Variants in KCNJ18 observed in about 807,000 individuals in gnomAD.
KCNJ18 encodes the protein potassium inwardly rectifying channel subfamily J member 18.
In KCNJ18, 16 loss-of-function variants were observed where a neutral mutation model predicts 17.3. The observed-to-expected ratio is 0.92, with a 90% CI of 0.62 to 1.40. KCNJ18 has a LOEUF of 1.40. KCNJ18 is among the 40% of genes most tolerant of loss of function. The probability of loss-of-function intolerance (pLI) is 0.00; values close to 1 mark genes in which losing one functional copy is unlikely to be tolerated. For missense variants in KCNJ18, 462 were observed against 626.8 expected, an observed-to-expected ratio of 0.74 and a Z score of 2.81; for synonymous variants, 185 against 262.6, an observed-to-expected ratio of 0.70 and a Z score of 2.86.
intron 1 of KCNJ18, among the ~76,000 whole-genome samples, chr17:21,695,118 C>T (rs1347399052): frequency 6.6e-6 from 1 of 152,206 alleles, no homozygotes; most frequent in African/African-American, 2.4e-5. Context: ...CACCCATCTA[C>T]CCTTCTGTTC....
At chr17:21,700,816 G>A (rs1444194294) in intron 2 of KCNJ18, among the ~76,000 whole-genome samples, 4 of 95,992 alleles carry the variant, frequency 4.2e-5, no homozygotes, top group Non-Finnish European at 4.3e-5. Flanking sequence ...TGTGTGCAGC[G>A]CCTGGTTCAC....
At chr17:21,695,772 C>T (rs1170081160) in intron 1 of KCNJ18, among the ~76,000 whole-genome samples, 1 of 152,310 alleles carries the variant, frequency 6.6e-6, no homozygotes, top group East Asian at 1.9e-4. Context: ...TCTGACACTC[C>T]ATCTTGTTCT....
rs1458993872 is a variant in KCNJ18 at position 21,704,347 on chromosome 17, G to A, written c.*259G>A. 2 of 472,098 alleles carry A rather than the reference G, an allele frequency of 4.2e-6. No homozygotes were observed. Among genetic ancestry groups the A allele is most frequent in the East Asian group, 3.5e-5 (1 of 28,978 alleles). The allele number at this position is 472,098 out of a possible 1,614,324, so 29.2% of individuals were successfully genotyped here. A position where few individuals can be genotyped will look rare whatever the true frequency, so the allele number is the denominator to read the frequency against. ...CCTCCTGGGGGGCCAGGCCACGGGGGCCAGGGCTTCTGCCTGAAGATGGAG... is the reference window on the plus strand; with the variant it reads ...CCTCCTGGGGGGCCAGGCCACGGGGACCAGGGCTTCTGCCTGAAGATGGAG... On this transcript the variant is annotated 3_prime_UTR_variant, in exon 3 of 3. Transcript: ENST00000567955.
At chr17:21,699,340 G>A (rs1271025011) in intron 2 of KCNJ18, among the ~76,000 whole-genome samples, 16 of 152,126 alleles carry the variant, frequency 1.1e-4, no homozygotes, top group Non-Finnish European at 2.1e-4. Flanking sequence ...CTGTGTTTAC[G>A]CAGGAGTGTT....
chr17:21,696,736 G>A (rs1905769713), intron 2 of KCNJ18, among the ~76,000 whole-genome samples: 1 of 152,150 alleles, frequency 6.6e-6, no homozygotes, highest in African/African-American at 2.4e-5. Context: ...GGAGGAGAAG[G>A]CAGCTCAGTA....
intron 2 of KCNJ18, among the ~76,000 whole-genome samples, chr17:21,701,255 C>T (rs1474291083): frequency 0.056 from 8,570 of 152,186 alleles, 12 homozygotes; most frequent in African/African-American, 0.19. Flanking sequence ...TGCCCTGCTG[C>T]GGGGCCTGTC....
intron 2 of KCNJ18, among the ~76,000 whole-genome samples, chr17:21,699,097 T>C (rs1905856196): frequency 1.3e-5 from 2 of 152,176 alleles, no homozygotes; most frequent in South Asian, 2.1e-4. Flanking sequence ...CAAGTCTCTT[T>C]TTCTTTTTGG....
intron 2 of KCNJ18, among the ~76,000 whole-genome samples, chr17:21,699,666 C>T (rs1269099910): frequency 3.9e-5 from 6 of 152,308 alleles, no homozygotes; most frequent in African/African-American, 1.2e-4. Context: ...CTTGTTGATG[C>T]TCTCTGTGTG....
intron 2 of KCNJ18, among the ~76,000 whole-genome samples, chr17:21,699,933 C>T (rs2142269893): frequency 6.6e-6 from 1 of 152,400 alleles, no homozygotes; most frequent in East Asian, 1.9e-4. Flanking sequence ...CTGGAGCAGC[C>T]ATGACCCGCT....
In KCNJ18 at chr17:21,699,705, A is replaced by AGAAGT. The variant is rs1567786954; in HGVS notation, c.-56-3024_-56-3020dup. ...AAACCACGCAGAGAGGAACGTCAAC[A>AGAAGT]GAAGTGGGGGTTTCCAAGCCTGTAT... On this transcript the variant is annotated intron_variant, in intron 2 of 2. Coordinates refer to ENST00000567955, the MANE Select transcript of KCNJ18 (RefSeq NM_001194958.2). Among the ~76,000 whole-genome samples the AGAAGT allele has an allele frequency of 1.4e-4, 22 of 152,416 alleles. No individual in the cohort carries two copies. The South Asian group carries it at 4.6e-3, about 32-fold the overall frequency.
rs1334175020 is a variant in KCNJ18 at position 21,703,102 on chromosome 17, G to T, written c.316G>T (p.Ala106Ser). ...GTTCGGCGTCATCTTCTGGGTCATC[G>T]CGGTGGCACACGGTGACCTGGAGCC... ...LLFGVIFWVIAVAHGDLEPAE... is the reference protein window; with the variant it reads ...LLFGVIFWVISVAHGDLEPAE... Residue 106 changes from alanine to serine, a missense_variant, in exon 3 of 3, where the codon GCG becomes TCG. This residue lies in a region of KCNJ18 where 237 missense variants were observed against 259.4 expected (regional missense o/e 0.91). Coordinates refer to ENST00000567955, the MANE Select transcript of KCNJ18 (RefSeq NM_001194958.2). The T allele has an allele frequency of 1.1e-5, 17 of 1,612,304 alleles. No individual in the cohort carries two copies. Among genetic ancestry groups the T allele is most frequent in the Non-Finnish European group, 1.4e-5 (17 of 1,179,730 alleles).
intron 1 of KCNJ18, among the ~76,000 whole-genome samples, chr17:21,695,372 A>G (rs1245204065): frequency 1.1e-4 from 17 of 151,680 alleles, no homozygotes; most frequent in African/African-American, 4.1e-4. Flanking sequence ...TCATCCATAT[A>G]CCCACTCATC....
chr17:21,699,542 G>C (rs1905869791), intron 2 of KCNJ18, among the ~76,000 whole-genome samples: 1 of 152,238 alleles, frequency 6.6e-6, no homozygotes, highest in African/African-American at 2.4e-5. Flanking sequence ...TGAGGCTGAG[G>C]ACTGACATTC....
chr17:21,703,627 T>A lies in KCNJ18; in HGVS notation c.841T>A (p.Phe281Ile). 1 of 1,611,048 alleles carries A rather than the reference T, an allele frequency of 6.2e-7. No individual in the cohort carries two copies. Among genetic ancestry groups the A allele is most frequent in the African/African-American group, 1.3e-5 (1 of 74,834 alleles). Residue 281 changes from phenylalanine (F) to isoleucine (I), a missense_variant, in exon 3 of 3, where the codon TTC becomes ATC. Physicochemically the swap from Phe to Ile is conservative, Grantham distance 21. Coordinates refer to ENST00000567955, the MANE Select transcript of KCNJ18 (RefSeq NM_001194958.2). ...TGAAATTGACGAGGCCAGCCCGCTC[T>A]TCGGCATCAGCCGGCAGGACCTGGA... ...LHEIDEASPL[F>I]GISRQDLETD...
intron 1 of KCNJ18, among the ~76,000 whole-genome samples, chr17:21,694,450 T>TA (rs1324355931): frequency 6.6e-6 from 1 of 152,078 alleles, no homozygotes; most frequent in Non-Finnish European, 1.5e-5. Flanking sequence ...TCTGGCAAAT[T>TA]ACTGATGTGT....
rs1259508719 is a variant in KCNJ18, at chr17:21,702,822, C to A, written c.36C>A (p.Ile12=). The change falls in exon 3 of 3, where the codon ATC becomes ATA. Residue 12 remains isoleucine (I), a synonymous_variant. Transcript: ENST00000567955. ...CCAGCCGGGCCAACCCCTACAGCATCGTGTCATTGGAGGAGGACGGGCTGC... is the reference window on the plus strand; with the variant it reads ...CCAGCCGGGCCAACCCCTACAGCATAGTGTCATTGGAGGAGGACGGGCTGC... The part of the protein sequence containing the change: ...TAASRANPYS[I]VSLEEDGLHL... The A allele has an allele frequency of 2.5e-6, 4 of 1,596,908 alleles. No individual in the cohort carries two copies. The African/African-American group carries it at 4.0e-5, about 16-fold the overall frequency.
intron 1 of KCNJ18, among the ~76,000 whole-genome samples, chr17:21,694,094 T>G (rs1432658364): frequency 6.6e-6 from 1 of 152,146 alleles, no homozygotes; most frequent in Non-Finnish European, 1.5e-5. Context: ...AATCTAGGTC[T>G]GTGTGCCTGT....
intron 1 of KCNJ18, among the ~76,000 whole-genome samples, chr17:21,695,627 A>G (rs1364571316): frequency 3.3e-5 from 5 of 152,294 alleles, no homozygotes; most frequent in Non-Finnish European, 2.9e-5. Flanking sequence ...CACATTAACT[A>G]CTTCTCTGGA....
At chr17:21,701,867 C>T (rs1261062843) in intron 2 of KCNJ18, among the ~76,000 whole-genome samples, 6 of 152,122 alleles carry the variant, frequency 3.9e-5, no homozygotes, top group East Asian at 1.9e-4. Flanking sequence ...GCTGAAATTG[C>T]GCCATTGCAT....
Sources: allele counts gnomAD v4.1 joint callset (sites outside exome capture counted in the v4.1 genomes callset), GRCh38; gene constraint gnomAD v4.1.1; regional missense constraint gnomAD v4.1.1; transcripts MANE v1.5; gene names NCBI Gene and HGNC (gene_info 2026-07-23, HGNC 2026-07-21).